The following RBFOX1 variants were observed in gnomAD, a reference collection of about 807,000 sequenced individuals.
RBFOX1 encodes the protein RNA binding fox-1 homolog 1.
A neutral mutation model predicts 57.7 loss-of-function variants in RBFOX1; 8 were observed. That is an observed-to-expected ratio of 0.14 (90% CI 0.08 to 0.25). The LOEUF (loss-of-function observed/expected upper bound fraction) is 0.25, where lower values mean the gene tolerates loss of function less well. Among genes scored for constraint, RBFOX1 ranks in the 10% least tolerant of loss-of-function variants. The pLI is 1.00. For missense variants in RBFOX1, 611 were observed against 548.5 expected, an observed-to-expected ratio of 1.11 and a Z score of -1.14; for synonymous variants, 326 against 222.4, an observed-to-expected ratio of 1.47 and a Z score of -4.15.
chr16:5,424,984 T>TTTG (rs200482050), intron 1 of RBFOX1, among the ~76,000 whole-genome samples: 1 of 68,918 alleles, frequency 1.5e-5, no homozygotes, highest in Non-Finnish European at 2.8e-5. Flanking sequence ...CTTTCTTTTC[T>TTTG]TTTCTTTTCT....
In RBFOX1 at chr16:7,118,823, C is replaced by T. The variant is rs60292746; in HGVS notation, c.27+66725C>T. Among the ~76,000 whole-genome samples, 854 of 152,210 alleles carry T rather than the reference C, an allele frequency of 5.6e-3. 13 individuals carry two copies. Among genetic ancestry groups the T allele is most frequent in the African/African-American group, 0.019 (806 of 41,540 alleles). On this transcript the variant is annotated intron_variant, in intron 4 of 15. Transcript: ENST00000550418. ...AGCATTTAGCCTTGTGAAGAATTAC[C>T]AGGGCACCGAAAGAGAGAATGGAAG...
intron 4 of RBFOX1, among the ~76,000 whole-genome samples, chr16:5,876,524 A>G (rs1201205176): frequency 6.6e-6 from 1 of 152,258 alleles, no homozygotes; most frequent in East Asian, 1.9e-4. Context: ...ACCTAGAGAG[A>G]AAAATCTCAT....
intron 4 of RBFOX1, among the ~76,000 whole-genome samples, chr16:7,268,073 A>G (rs8044885): frequency 0.07 from 10,649 of 152,212 alleles, 1,252 homozygotes; most frequent in African/African-American, 0.24. Flanking sequence ...CATCTAGGCT[A>G]CAAAGCTAGC....
At chr16:7,605,686 G>C (rs932777020) in intron 9 of RBFOX1, among the ~76,000 whole-genome samples, 3 of 152,172 alleles carry the variant, frequency 2.0e-5, no homozygotes, top group Admixed American at 2.0e-4. Flanking sequence ...GCAAACCTCA[G>C]AAAGTTCTTA....
intron 4 of RBFOX1, among the ~76,000 whole-genome samples, chr16:7,157,469 C>T (rs1415686636): frequency 6.6e-6 from 1 of 152,072 alleles, no homozygotes; most frequent in Non-Finnish European, 1.5e-5. Flanking sequence ...AGGTGCAATT[C>T]TGCCCTGGAA....
chr16:6,871,304 A>C (rs1196985457), intron 3 of RBFOX1, among the ~76,000 whole-genome samples: 1 of 151,986 alleles, frequency 6.6e-6, no homozygotes, highest in African/African-American at 2.4e-5. Flanking sequence ...TCCTGCATCA[A>C]CTTCCTGAGT....
At chr16:7,254,832 G>C (rs2094614027) in intron 4 of RBFOX1, among the ~76,000 whole-genome samples, 1 of 152,214 alleles carries the variant, frequency 6.6e-6, no homozygotes, top group African/African-American at 2.4e-5. Flanking sequence ...AAAAAGACTG[G>C]AAGTTTAGAA....
intron 3 of RBFOX1, among the ~76,000 whole-genome samples, chr16:6,752,425 T>G (rs1188614813): frequency 1.3e-5 from 2 of 152,110 alleles, no homozygotes; most frequent in Non-Finnish European, 2.9e-5. Context: ...AAGTGATAGC[T>G]CCATGTTTCA....
chr16:6,723,833 C>T (rs555173434), intron 3 of RBFOX1: 2 of 152,086 alleles, frequency 1.3e-5, no homozygotes, highest in South Asian at 2.1e-4. Context: ...GCTTACTGAC[C>T]TGTATGTTCT....
chr16:5,248,668 CG>C (rs2062365636), intron 1 of RBFOX1, among the ~76,000 whole-genome samples: 1 of 151,858 alleles, frequency 6.6e-6, no homozygotes, highest in South Asian at 2.1e-4. Flanking sequence ...AAAAGCTGTT[CG>C]GGGGAGACTG....
At chr16:5,541,595 A>G (rs1169994736) in intron 2 of RBFOX1, among the ~76,000 whole-genome samples, 1 of 152,134 alleles carries the variant, frequency 6.6e-6, no homozygotes, top group Non-Finnish European at 1.5e-5. Context: ...ATATGCGTTT[A>G]TCTCAGCGAG....
At chr16:7,226,683 A>G (rs2093143807) in intron 4 of RBFOX1, among the ~76,000 whole-genome samples, 1 of 152,176 alleles carries the variant, frequency 6.6e-6, no homozygotes, top group Non-Finnish European at 1.5e-5. Context: ...AATTTCTAAA[A>G]CCGCAAAAAG....
At chr16:6,773,234 A>G (rs533087534) in intron 3 of RBFOX1, among the ~76,000 whole-genome samples, 794 of 66,298 alleles carry the variant, frequency 0.012, 6 homozygotes, top group Middle Eastern at 0.039. Context: ...TGTGGGGTGC[A>G]TTTGTGTGTG....
At chr16:7,074,503 G>C (rs2057947566) in intron 4 of RBFOX1, among the ~76,000 whole-genome samples, 1 of 152,088 alleles carries the variant, frequency 6.6e-6, no homozygotes, top group African/African-American at 2.4e-5. Flanking sequence ...TTAACTTGAA[G>C]ACAGTGAAGA....
At chr16:7,338,134 T>G (rs557168709) in intron 4 of RBFOX1, among the ~76,000 whole-genome samples, 1 of 152,372 alleles carries the variant, frequency 6.6e-6, no homozygotes, top group Non-Finnish European at 1.5e-5. Flanking sequence ...GGTTGTTTGC[T>G]GCACCTATTA....
intron 2 of RBFOX1, among the ~76,000 whole-genome samples, chr16:6,318,489 G>T (rs2081372466): frequency 1.3e-5 from 2 of 152,086 alleles, no homozygotes; most frequent in Admixed American, 6.6e-5. Context: ...TGGTGCTTGG[G>T]CAGGGAGGGG....
intron 3 of RBFOX1, among the ~76,000 whole-genome samples, chr16:5,826,091 A>G (rs1344015132): frequency 2.0e-5 from 3 of 148,686 alleles, no homozygotes; most frequent in African/African-American, 7.3e-5. Context: ...ATTCCTTAAT[A>G]TGAATAAGGA....
chr16:7,323,946 G>T (rs941029252), intron 4 of RBFOX1, among the ~76,000 whole-genome samples: 9 of 152,190 alleles, frequency 5.9e-5, no homozygotes, highest in Non-Finnish European at 1.5e-5. Flanking sequence ...TGAGTGGGTG[G>T]ATGGATGGAT....
At chr16:7,155,713 AT>A (rs371050321) in intron 4 of RBFOX1, among the ~76,000 whole-genome samples, 6,701 of 72,704 alleles carry the variant, frequency 0.092, 624 homozygotes, top group Middle Eastern at 0.13. Flanking sequence ...AAAAAAAAAA[AT>A]ATATATATAT....
Sources: gnomAD v4.1 joint callset for allele counts (sites outside exome capture counted in the v4.1 genomes callset) on GRCh38, gnomAD v4.1.1 for gene constraint, MANE v1.5 for transcripts, NCBI Gene and HGNC (gene_info 2026-07-23, HGNC 2026-07-21) for gene names.